CYREN: variants seen among roughly 807,000 people sequenced by gnomAD.
CYREN encodes the protein cell cycle regulator of non-homologous end joining.
Under a neutral mutation model 9.7 loss-of-function variants are expected in CYREN, and 7 were observed. The observed-to-expected ratio is 0.72, with a 90% CI of 0.41 to 1.36. The LOEUF is 1.36. CYREN is among the 40% of genes most tolerant of loss of function. CYREN has a pLI of 0.01. For synonymous variants in CYREN, 76 were observed against 77.9 expected, an observed-to-expected ratio of 0.98 and a Z score of 0.13; for missense variants, 215 against 198.1, an observed-to-expected ratio of 1.09 and a Z score of -0.51.
intron 2 of CYREN, among the ~76,000 whole-genome samples, chr7:135,095,889 C>T (rs775547397): frequency 3.3e-5 from 5 of 152,276 alleles, no homozygotes; most frequent in South Asian, 4.1e-4. Flanking sequence ...CAGTGGCTCA[C>T]GCCTGTAATC....
intron 2 of CYREN, among the ~76,000 whole-genome samples, chr7:135,114,568 C>G (rs1826058277): frequency 6.6e-6 from 1 of 152,108 alleles, no homozygotes; most frequent in African/African-American, 2.4e-5. Flanking sequence ...TTTGGAGCCA[C>G]CACTGATTCC....
At chr7:135,098,897 A>T (rs1295860224) in intron 2 of CYREN, among the ~76,000 whole-genome samples, 2 of 152,190 alleles carry the variant, frequency 1.3e-5, no homozygotes, top group African/African-American at 4.8e-5. Context: ...TATGACATAT[A>T]AAACTTAAAT....
chr7:135,154,941 A>G (rs1829753283), intron 2 of CYREN, among the ~76,000 whole-genome samples: 1 of 152,152 alleles, frequency 6.6e-6, no homozygotes, highest in South Asian at 2.1e-4. Context: ...TGGAGTGTTA[A>G]AAGTCCCCTA....
At position 135,166,267 on chromosome 7, in the gene CYREN, G is replaced by C; in HGVS notation, c.*344C>G. ...AGTACTGTCTCTTTGGTTCCAGTAAGTTGGACCACCACATGACATCATTTT... is the reference window on the plus strand; with the variant it reads ...AGTACTGTCTCTTTGGTTCCAGTAACTTGGACCACCACATGACATCATTTT... On this transcript the variant is annotated 3_prime_UTR_variant, in exon 4 of 4. Transcript: ENST00000393114. The C allele has an allele frequency of 4.5e-6, 1 of 223,446 alleles. No individual in the cohort carries two copies. The highest frequency in any genetic ancestry group is 9.6e-5 in the East Asian group (1 of 10,436). 13.8% of individuals were successfully genotyped at this position (223,446 alleles called of 1,614,324 possible). A position where few individuals can be genotyped will look rare whatever the true frequency, so the allele number is the denominator to read the frequency against.
At chr7:135,133,064 C>T (rs867898678) in intron 2 of CYREN, among the ~76,000 whole-genome samples, 3 of 102,794 alleles carry the variant, frequency 2.9e-5, no homozygotes, top group Admixed American at 1.0e-4. Flanking sequence ...CGCACGCATG[C>T]GTGCACACAC....
At chr7:135,119,486 T>C (rs1016099961) in intron 2 of CYREN, among the ~76,000 whole-genome samples, 12 of 151,206 alleles carry the variant, frequency 7.9e-5, no homozygotes, top group Non-Finnish European at 1.3e-4. Context: ...CTCCCTCAGC[T>C]CCCAAAGTGC....
At chr7:135,119,179 G>T (rs1312416863) in intron 2 of CYREN, among the ~76,000 whole-genome samples, 1 of 151,714 alleles carries the variant, frequency 6.6e-6, no homozygotes, top group African/African-American at 2.4e-5. Flanking sequence ...AAGCTGAGCA[G>T]ACCATTAATA....
At chr7:135,132,516 C>T (rs1427281126) in intron 2 of CYREN, among the ~76,000 whole-genome samples, 1 of 152,140 alleles carries the variant, frequency 6.6e-6, no homozygotes, top group Non-Finnish European at 1.5e-5. Flanking sequence ...GGGGATCTTA[C>T]TCAATAAAGT....
At chr7:135,167,709 G>T in intron 3 of CYREN, 23 bp downstream of exon 3, 1 of 1,613,644 alleles carries the variant, frequency 6.2e-7, no homozygotes, top group Non-Finnish European at 8.5e-7. Flanking sequence ...CTGGTCATGA[G>T]TAAGAGGCTT....
chr7:135,103,677 T>A (rs536342606), intron 2 of CYREN, among the ~76,000 whole-genome samples: 16 of 152,186 alleles, frequency 1.1e-4, no homozygotes, highest in Non-Finnish European at 1.6e-4. Flanking sequence ...AATAGATATC[T>A]GTAGTCACAT....
intron 3 of CYREN, 126 bp downstream of exon 3, chr7:135,167,606 G>C (rs1267149499): frequency 2.7e-6 from 4 of 1,496,532 alleles, no homozygotes; most frequent in Non-Finnish European, 3.6e-6. Context: ...AAGAGCAAGG[G>C]AAGTGGCAGG....
intron 2 of CYREN, among the ~76,000 whole-genome samples, chr7:135,138,962 T>C (rs1217848882): frequency 1.3e-5 from 2 of 152,130 alleles, no homozygotes; most frequent in Non-Finnish European, 1.5e-5. Context: ...CTATGGTATA[T>C]GTGTACCACA....
In CYREN at chr7:135,128,633, G is replaced by A. The variant is rs1228760539; in HGVS notation, n.357-34051C>T. 4.7e-5 allele frequency: 40 copies of A among 844,164 alleles called. 1 individual carries two copies. Among genetic ancestry groups the A allele is most frequent in the South Asian group, 9.7e-5 (7 of 72,464 alleles). The allele number at this position is 844,164 out of a possible 1,614,324, so 52.3% of individuals were successfully genotyped here. On this transcript the variant is annotated intron_variant and non_coding_transcript_variant, in intron 2 of 2. Coordinates refer to the CYREN transcript ENST00000459937. ...AAGAACACCCTGGCAGCGTGATCCC[G>A]TTTGCCTGGATGCAATTTCTTAAGG...
At chr7:135,166,949 T>C (rs1450611291) in intron 3 of CYREN, 78 bp from the exon 4 acceptor site, 2 of 1,559,596 alleles carry the variant, frequency 1.3e-6, no homozygotes, top group Non-Finnish European at 1.7e-6. Context: ...TAACACAGGA[T>C]GTATCTAGAA....
At chr7:135,161,644 C>T (rs1410328148), downstream of CYREN, among the ~76,000 whole-genome samples, 1 of 152,224 alleles carries the variant, frequency 6.6e-6, no homozygotes, top group African/African-American at 2.4e-5. This position sits in a 1 kb window ranked among gnomAD's most constrained non-coding sequence, Gnocchi z 4.1. Context: ...GTTAAAACTC[C>T]TTATCATCCC....
intron 2 of CYREN, chr7:135,099,946 G>A (rs1211453660): frequency 1.5e-5 from 2 of 133,978 alleles, no homozygotes; most frequent in Non-Finnish European, 3.1e-5. Context: ...GGAGTGCAGT[G>A]GCATGATCTC....
At position 135,166,721 on chromosome 7, in the gene CYREN, G is replaced by A. The variant is rs1044103052; in HGVS notation, c.364C>T (p.Leu122Phe). The A allele has an allele frequency of 3.1e-6, 5 of 1,613,840 alleles. No homozygotes were observed. In the South Asian group the frequency reaches 5.5e-5, roughly 18 times the overall value. The stretch of plus-strand genomic sequence containing the variant: ...CCCCCCGGCCTCTGGGAAGGGCTGA[G>A]GCCTGGAGCCAGTGCCTGTTTCCCA... ...DSGKQALAPG[L>F]SPSQRPGGSS... Residue 122 changes from leucine (L) to phenylalanine (F), a missense_variant, in exon 4 of 4, where the codon CTC (leucine) becomes TTC (phenylalanine). Leu to Phe is a conservative substitution (Grantham distance 22, BLOSUM62 0). Coordinates refer to ENST00000393114, the MANE Select transcript of CYREN (RefSeq NM_024033.4).
intron 2 of CYREN, among the ~76,000 whole-genome samples, chr7:135,098,665 G>A (rs191148672): frequency 1.8e-4 from 27 of 152,194 alleles, no homozygotes; most frequent in Admixed American, 9.8e-4. Flanking sequence ...AGGGAATTTC[G>A]CATTTAAGTG....
At chr7:135,102,943 T>A (rs1444247578) in intron 2 of CYREN, among the ~76,000 whole-genome samples, 3 of 152,114 alleles carry the variant, frequency 2.0e-5, no homozygotes, top group African/African-American at 7.2e-5. Context: ...TCAAAATCAT[T>A]CTCTTTAAAA....
Sources: gnomAD v4.1 joint callset for allele counts (sites outside exome capture counted in the v4.1 genomes callset) on GRCh38, gnomAD v4.1.1 for gene constraint, Gnocchi (gnomAD v3.1) non-coding constraint, MANE v1.5 for transcripts, NCBI Gene and HGNC (gene_info 2026-07-23, HGNC 2026-07-21) for gene names.